The following ESRP2 variants were observed in gnomAD, a reference collection of about 807,000 sequenced individuals.
ESRP2 encodes the protein RNA binding motif protein 35A.
ESRP2 carries 48 observed loss-of-function variants against 78.6 expected under a neutral mutation model. The observed-to-expected ratio is 0.61, with a 90% CI of 0.48 to 0.78. The LOEUF is 0.78. ESRP2 is among the 30% of genes least tolerant of loss of function. ESRP2 has a pLI of 0.00. For synonymous variants in ESRP2, 383 were observed against 406.7 expected (o/e 0.94, Z 0.70); for missense variants, 863 against 965.9 (o/e 0.89, Z 1.41).
At chr16:68,234,221 C>G (rs2042190304) in intron 2 of ESRP2, 114 bp from the exon 3 acceptor site, 2 of 769,686 alleles carry the variant, frequency 2.6e-6, no homozygotes, top group African/African-American at 1.7e-5. Flanking sequence ...GATGTTCAGC[C>G]CTATCCTGCC....
At chr16:68,230,808 T>A (rs2151191813) in intron 13 of ESRP2, 33 bp downstream of exon 13, 1 of 1,612,092 alleles carries the variant, frequency 6.2e-7, no homozygotes, top group East Asian at 2.2e-5. Context: ...GGACAGGGAG[T>A]GGGACTGTGA....
chr16:68,236,025 C>T lies in ESRP2; in HGVS notation c.21G>A (p.Pro7=). 1 of 1,424,168 alleles carries T rather than the reference C, an allele frequency of 7.0e-7. No individual in the cohort carries two copies. Among genetic ancestry groups the T allele is most frequent in the Non-Finnish European group, 9.1e-7 (1 of 1,093,304 alleles). 88.2% of individuals were successfully genotyped at this position (1,424,168 alleles called of 1,614,324 possible). Residue 7 remains proline, a synonymous_variant, in exon 1 of 15, where the codon CCG becomes CCA. Transcript: ENST00000473183. This position sits in a 1 kb window ranked among gnomAD's most constrained non-coding sequence, Gnocchi z 5.2. MTPPPP[P]PPPPGPDPAA... is the part of the protein sequence containing the mutation. ...CGGGGTCAGGGCCCGGGGGAGGGGG[C>T]GGCGGCGGCGGCGGAGTCATGGCCG...
chr16:68,233,168 T>C, intron 5 of ESRP2, 159 bp downstream of exon 5: 2 of 616,594 alleles, frequency 3.2e-6, no homozygotes, highest in Middle Eastern at 4.4e-4. Flanking sequence ...CACTGCACTC[T>C]AGCCTAGGCT....
rs1022700019 is a variant in ESRP2, at chr16:68,235,371, T to A, written c.327+263A>T. On this transcript the variant is annotated intron_variant, in intron 2 of 14. Coordinates refer to ENST00000473183, the MANE Select transcript of ESRP2 (RefSeq NM_024939.3). The surrounding 1 kb of genome is among the most constrained non-coding windows in gnomAD (Gnocchi z 5.5). Reference sequence around the variant, plus strand: ...TCGCTCCCCGGGCGGGAACTGGGGATGGATCCCAAAGCCTGCGTCCCGATC... The same window carrying A: ...TCGCTCCCCGGGCGGGAACTGGGGAAGGATCCCAAAGCCTGCGTCCCGATC... 1.0e-5 allele frequency: 10 copies of A among 985,250 alleles called. No individual in the cohort carries two copies. Among genetic ancestry groups the A allele is most frequent in the African/African-American group, 3.5e-5 (2 of 57,222 alleles). 61.0% of individuals were successfully genotyped at this position (985,250 alleles called of 1,614,324 possible).
chr16:68,230,147 G>T lies in ESRP2; in HGVS notation c.*79C>A. The T allele has an allele frequency of 2.9e-6, 4 of 1,356,468 alleles. No homozygotes were observed. The highest frequency in any genetic ancestry group is 4.6e-5 in the East Asian group (2 of 43,510). The allele number at this position is 1,356,468 out of a possible 1,614,324, so 84.0% of individuals were successfully genotyped here. On this transcript the variant is annotated 3_prime_UTR_variant, in exon 15 of 15. Transcript: ENST00000473183. ...CAAGCCAGAAAGAAGCTACCAGGTT[G>T]AGGGTGCTGGTCTTCTGGACTCAGG...
chr16:68,230,780 T>G, intron 13 of ESRP2, 61 bp downstream of exon 13: 2 of 1,597,968 alleles, frequency 1.3e-6, no homozygotes, highest in Non-Finnish European at 1.7e-6. Flanking sequence ...AAGGGGATCG[T>G]GACCTTTCCC....
Position 68,229,521 on chromosome 16 carries a change from TC to T in ESRP2, c.*704del, listed in dbSNP as rs1322873156. The stretch of plus-strand genomic sequence containing the variant: ...TACAAGAAAAGTTGGCAGAAAGTCC[TC>T]CCCTTTAAAATTCAAGCCTGAAGGT... On this transcript the variant is annotated 3_prime_UTR_variant, in exon 15 of 15. Coordinates refer to ENST00000473183, the MANE Select transcript of ESRP2 (RefSeq NM_024939.3). 2 of 152,654 alleles carry T rather than the reference TC, an allele frequency of 1.3e-5. No individual in the cohort carries two copies. The highest frequency in any genetic ancestry group is 2.9e-5 in the Non-Finnish European group (2 of 68,096). The allele number at this position is 152,654 out of a possible 1,614,324, so 9.5% of individuals were successfully genotyped here.
Position 68,230,327 on chromosome 16 carries a change from A to C in ESRP2, c.2065-12T>G. ...TCATCAGCGGGTAGCTACAGAAGGG[A>C]CACAGATTTAGGGCAGAGAGCTCAG... On this transcript the variant is annotated splice_polypyrimidine_tract_variant and intron_variant, in intron 14 of 14. Coordinates refer to ENST00000473183, the MANE Select transcript of ESRP2 (RefSeq NM_024939.3). 6.2e-7 allele frequency: 1 copy of C among 1,614,158 alleles called. No homozygotes were observed. Among genetic ancestry groups the C allele is most frequent in the African/African-American group, 1.3e-5 (1 of 75,044 alleles).
At position 68,232,555 on chromosome 16, in the gene ESRP2, C is replaced by T; in HGVS notation, c.821+22G>A. On this transcript the variant is annotated intron_variant, in intron 7 of 14. Transcript: ENST00000473183. This position sits in a 1 kb window ranked among gnomAD's most constrained non-coding sequence, Gnocchi z 5.2. ...CCTGGGTAGGCCTGTCCAATTGGGC[C>T]CACCCACCCTGCCACACCCACCTGG... is the stretch of plus-strand genomic sequence containing the variant. 1.2e-6 allele frequency: 2 copies of T among 1,614,050 alleles called. No individual in the cohort carries two copies. The highest frequency in any genetic ancestry group is 1.7e-5 in the Admixed American group (1 of 60,026).
At chr16:68,234,642 G>C (rs1002475580) in intron 2 of ESRP2, 1 of 153,192 alleles carries the variant, frequency 6.5e-6, no homozygotes, top group South Asian at 2.1e-4. Context: ...CCTATTGACC[G>C]GCTGGCACTG....
In ESRP2 at chr16:68,230,235, C is replaced by T. The variant is rs776225879; in HGVS notation, c.2145G>A (p.Val715=). Reference sequence around the variant, plus strand: ...CTCCTGGCTTTCTCTCCTACAAACACACCCATTCCTTGGGGGCTTGTAACA... The same window carrying T: ...CTCCTGGCTTTCTCTCCTACAAACATACCCATTCCTTGGGGGCTTGTAACA... The part of the protein sequence containing the change: ...RTVLQAPKEW[V]CL Residue 715 remains valine, a synonymous_variant, in exon 15 of 15, where the codon GTG becomes GTA. Coordinates refer to ENST00000473183, the MANE Select transcript of ESRP2 (RefSeq NM_024939.3). The T allele has an allele frequency of 1.9e-6, 3 of 1,614,198 alleles. No individual in the cohort carries two copies. Among genetic ancestry groups the T allele is most frequent in the Non-Finnish European group, 2.5e-6 (3 of 1,180,022 alleles).
rs371060384 is a variant in ESRP2, at chr16:68,232,414, G to A, written c.911C>T (p.Ala304Val). 5 of 1,613,988 alleles carry A rather than the reference G, an allele frequency of 3.1e-6. No individual in the cohort carries two copies. Among genetic ancestry groups the A allele is most frequent in the African/African-American group, 2.7e-5 (2 of 74,922 alleles). Reference protein sequence around the residue: ...RFVDSEQRDLALQRHKHHMGV... With the variant: ...RFVDSEQRDLVLQRHKHHMGV... ...CATGTGGTGCTTGTGTCTCTGCAGC[G>A]CTAGGTCCCGCTGCTCGCTGTCCAC... The change falls in exon 8 of 15, where the codon GCG becomes GTG. Residue 304 changes from alanine (A) to valine (V), a missense_variant. Ala to Val is a moderately conservative substitution (Grantham distance 64). Transcript: ENST00000473183. The surrounding 1 kb of genome is among the most constrained non-coding windows in gnomAD (Gnocchi z 5.2).
Position 68,232,367 on chromosome 16 carries a change from C to T in ESRP2, c.954+4G>A, listed in dbSNP as rs1347963603. 3 of 1,613,940 alleles carry T rather than the reference C, an allele frequency of 1.9e-6. No homozygotes were observed. In the African/African-American group the frequency reaches 4.0e-5, roughly 22 times the overall value. Reference sequence around the variant, plus strand: ...CCTGCTCCGCTCCCAGCCCAAAGCCCCACCTCAATATAGCGGACGCCCATG... The same window carrying T: ...CCTGCTCCGCTCCCAGCCCAAAGCCTCACCTCAATATAGCGGACGCCCATG... On this transcript the variant is annotated splice_donor_region_variant and intron_variant, in intron 8 of 14. Transcript: ENST00000473183. This position sits in a 1 kb window ranked among gnomAD's most constrained non-coding sequence, Gnocchi z 5.2.
Position 68,231,522 on chromosome 16 carries a change from T to A in ESRP2, c.1472A>T (p.Asp491Val). Residue 491 changes from aspartate to valine, a missense_variant, in exon 11 of 15, where the codon GAC becomes GTC. Physicochemically the swap from Asp to Val is radical, Grantham distance 152 (BLOSUM62 -3). Coordinates refer to ENST00000473183, the MANE Select transcript of ESRP2 (RefSeq NM_024939.3). The surrounding 1 kb of genome is among the most constrained non-coding windows in gnomAD (Gnocchi z 6.0). ...ILSFLGEAAADIRPHGVHMVL... is the reference protein window; with the variant it reads ...ILSFLGEAAAVIRPHGVHMVL... The stretch of plus-strand genomic sequence containing the variant: ...CATGTGTACACCGTGGGGCCGAATG[T>A]CAGCTGCTGCCTCCCCCAGAAAGCT... 1 of 1,614,104 alleles carries A rather than the reference T, an allele frequency of 6.2e-7. No homozygotes were observed. Among genetic ancestry groups the A allele is most frequent in the Non-Finnish European group, 8.5e-7 (1 of 1,180,004 alleles).
Position 68,234,117 on chromosome 16 carries a change from G to A in ESRP2, c.328-10C>T. On this transcript the variant is annotated splice_polypyrimidine_tract_variant and intron_variant, in intron 2 of 14. Coordinates refer to ENST00000473183, the MANE Select transcript of ESRP2 (RefSeq NM_024939.3). ...TCACCAGCTGTGAGAACTGGGGATA[G>A]GGAATGGGGAGAGAGAAACACACAG... 6.3e-7 allele frequency: 1 copy of A among 1,592,768 alleles called. No homozygotes were observed. The highest frequency in any genetic ancestry group is 8.6e-7 in the Non-Finnish European group (1 of 1,166,752).
rs2042152763 is a variant in ESRP2 at position 68,232,295 on chromosome 16, G to C, written c.955-7C>G. 1 of 1,614,048 alleles carries C rather than the reference G, an allele frequency of 6.2e-7. No individual in the cohort carries two copies. The highest frequency in any genetic ancestry group is 1.7e-5 in the Admixed American group (1 of 60,002). On this transcript the variant is annotated splice_region_variant and splice_polypyrimidine_tract_variant and intron_variant, in intron 8 of 14. Transcript: ENST00000473183. This position sits in a 1 kb window ranked among gnomAD's most constrained non-coding sequence, Gnocchi z 5.2. ...CCCCTGTCGCTTTATACACCTGTGG[G>C]TACAGAGAGCAGCAGCCCATGGGTC...
Position 68,232,325 on chromosome 16 carries a change from G to A in ESRP2, c.955-37C>T. The A allele has an allele frequency of 6.2e-7, 1 of 1,614,158 alleles. No individual in the cohort carries two copies. The highest frequency in any genetic ancestry group is 8.5e-7 in the Non-Finnish European group (1 of 1,180,022). ...GAGAGCAGCAGCCCATGGGTCTCAG[G>A]CCTGACTCAGATTGGCCCTGCTCCG... On this transcript the variant is annotated intron_variant, in intron 8 of 14. Transcript: ENST00000473183. This position sits in a 1 kb window ranked among gnomAD's most constrained non-coding sequence, Gnocchi z 5.2.
At position 68,231,824 on chromosome 16, in the gene ESRP2, C is replaced by T; in HGVS notation, c.1277G>A (p.Ser426Asn). 6.2e-7 allele frequency: 1 copy of T among 1,612,532 alleles called. No homozygotes were observed. Among genetic ancestry groups the T allele is most frequent in the Non-Finnish European group, 8.5e-7 (1 of 1,178,806 alleles). ...CACCTGCTGCACTTCGGCTGCAGTGCTCCGGAAGAGTTCAATGTATCGCTT... is the reference window on the plus strand; with the variant it reads ...CACCTGCTGCACTTCGGCTGCAGTGTTCCGGAAGAGTTCAATGTATCGCTT... ...LGKRYIELFRSTAAEVQQVLN... is the reference protein window; with the variant it reads ...LGKRYIELFRNTAAEVQQVLN... The change falls in exon 10 of 15, where the codon AGC (serine) becomes AAC (asparagine). Residue 426 changes from serine to asparagine, a missense_variant. By Grantham distance (46) the Ser-to-Asn change is conservative. Coordinates refer to ENST00000473183, the MANE Select transcript of ESRP2 (RefSeq NM_024939.3). This position sits in a 1 kb window ranked among gnomAD's most constrained non-coding sequence, Gnocchi z 6.0.
rs1248164363 is a variant in ESRP2 at position 68,232,852 on chromosome 16, T to C, written c.656-37A>G. On this transcript the variant is annotated intron_variant, in intron 5 of 14. Transcript: ENST00000473183. The surrounding 1 kb of genome is among the most constrained non-coding windows in gnomAD (Gnocchi z 5.2). ...TGGCCTGGGGGTCAGCAGGGTCTGG[T>C]GGAGAGGGGTGTCCCCACCAAGTTC... 2 of 1,613,906 alleles carry C rather than the reference T, an allele frequency of 1.2e-6. No individual in the cohort carries two copies. Among genetic ancestry groups the C allele is most frequent in the Admixed American group, 3.3e-5 (2 of 60,026 alleles).
Sources: gnomAD v4.1 joint callset for allele counts on GRCh38, gnomAD v4.1.1 for gene constraint, Gnocchi (gnomAD v3.1) non-coding constraint, MANE v1.5 for transcripts, NCBI Gene and HGNC (gene_info 2026-07-23, HGNC 2026-07-21) for gene names.